Variants in PRPF39 observed in about 807,000 individuals in gnomAD.
PRPF39 encodes the protein pre-mRNA processing factor 39, also known as pre-mRNA-processing factor 39.
Under a neutral mutation model 82.1 loss-of-function variants are expected in PRPF39, and 27 were observed. The ratio of observed to expected loss-of-function variants is 0.33; its 90% CI spans 0.24 to 0.45. The LOEUF (loss-of-function observed/expected upper bound fraction) is 0.45, where lower values mean the gene tolerates loss of function less well. Among genes scored for constraint, PRPF39 ranks in the 20% least tolerant of loss-of-function variants. The pLI, the probability that PRPF39 is intolerant of heterozygous loss-of-function variation, is 1.00. For synonymous variants in PRPF39, 261 were observed against 256.4 expected (o/e 1.02, Z -0.17); for missense variants, 581 against 796.9 (o/e 0.73, Z 3.26).
rs146168614 is a variant in PRPF39, at chr14:45,108,357, T to C, written c.904-58T>C. ...TAATACTTAAATATAAGCAGTGATA[T>C]TGAAAATTTTCAGTATACAGTTTGT... On this transcript the variant is annotated intron_variant, in intron 6 of 13. Coordinates refer to ENST00000355765, the MANE Select transcript of PRPF39 (RefSeq NM_017922.4). 85 of 1,483,774 alleles carry C rather than the reference T, an allele frequency of 5.7e-5. No homozygotes were observed. The Admixed American group carries it at 1.1e-3, about 20-fold the overall frequency. 91.9% of individuals were successfully genotyped at this position (1,483,774 alleles called of 1,614,324 possible). A position where few individuals can be genotyped will look rare whatever the true frequency, so the allele number is the denominator to read the frequency against.
At position 45,112,184 on chromosome 14, in the gene PRPF39, A is replaced by G; in HGVS notation, c.1573-134A>G. On this transcript the variant is annotated intron_variant, in intron 10 of 13. Transcript: ENST00000355765. ...ACCCCTTTAGATATATGCTGAAAAC[A>G]TTTAGCATGAGTTGTATTTTAATAC... The G allele has an allele frequency of 3.7e-6, 3 of 819,602 alleles. No homozygotes were observed. The South Asian group carries it at 6.4e-5, about 17-fold the overall frequency. The allele number at this position is 819,602 out of a possible 1,614,324, so 50.8% of individuals were successfully genotyped here.
chr14:45,091,610 A>G (rs1884029354), intron 1 of PRPF39, among the ~76,000 whole-genome samples: 1 of 152,256 alleles, frequency 6.6e-6, no homozygotes, highest in Non-Finnish European at 1.5e-5. Context: ...GTTTACGAAG[A>G]GTGTATACAA....
intron 11 of PRPF39, among the ~76,000 whole-genome samples, chr14:45,112,943 C>G (rs1302928682): frequency 6.6e-6 from 1 of 152,136 alleles, no homozygotes; most frequent in Non-Finnish European, 1.5e-5. Flanking sequence ...GTGGCCTCAT[C>G]TTCCTTCATT....
chr14:45,109,588 T>C (rs1188073510), intron 7 of PRPF39, 28 bp from the exon 8 acceptor site: 1 of 1,574,772 alleles, frequency 6.4e-7, no homozygotes, highest in Non-Finnish European at 8.6e-7. Flanking sequence ...TGGTTTACTT[T>C]CATTGGCATG....
At chr14:45,103,186 G>C (rs1884426631) in intron 5 of PRPF39, among the ~76,000 whole-genome samples, 1 of 151,988 alleles carries the variant, frequency 6.6e-6, no homozygotes. Context: ...AAACACTCAG[G>C]TATCATTCCA....
rs1463732115 is a variant in PRPF39 at position 45,096,887 on chromosome 14, G to A, written c.451G>A (p.Val151Ile). ...GTACAGTTTGCTGTTTTCTTCTTAG[G>A]TTTATCGGCGGGGGCTTCAGGCAAT... ...RHDNIKPSDE[V>I]YRRGLQAIPL... The change falls in exon 4 of 14, where the codon GTT becomes ATT. Residue 151 changes from valine to isoleucine, a missense_variant and splice_region_variant. Transcript: ENST00000355765. The A allele has an allele frequency of 6.5e-7, 1 of 1,545,062 alleles. No homozygotes were observed. Among genetic ancestry groups the A allele is most frequent in the Non-Finnish European group, 8.7e-7 (1 of 1,146,052 alleles).
Position 45,112,439 on chromosome 14 carries a change from TGA to T in PRPF39, c.1697_1698del (p.Arg566AsnfsTer12). Reference sequence around the variant, plus strand: ...GTACATGGTTCATTACCTATTAAAATGAGAATTACATTTTCTCAGAGAAAAGT... The same window carrying T: ...GTACATGGTTCATTACCTATTAAAATGAATTACATTTTCTCAGAGAAAAGT... On this transcript the variant is annotated frameshift_variant, in exon 11 of 14. Coordinates refer to ENST00000355765, the MANE Select transcript of PRPF39 (RefSeq NM_017922.4). LOFTEE classifies it high-confidence loss of function. The T allele has an allele frequency of 6.5e-7, 1 of 1,547,542 alleles. No individual in the cohort carries two copies. The highest frequency in any genetic ancestry group is 8.6e-7 in the Non-Finnish European group (1 of 1,156,300).
chr14:45,086,900 A>G (rs1031392664), intron 1 of PRPF39, among the ~76,000 whole-genome samples: 1 of 144,716 alleles, frequency 6.9e-6, no homozygotes, highest in African/African-American at 2.6e-5. Flanking sequence ...GTACATGGAC[A>G]TCACTAACTC....
chr14:45,105,077 CTTAA>C (rs1460545285), intron 5 of PRPF39, among the ~76,000 whole-genome samples: 1 of 152,150 alleles, frequency 6.6e-6, no homozygotes. Flanking sequence ...GTTTCTGAGG[CTTAA>C]TTCTTTGTAT....
chr14:45,101,838 G>A (rs1375554227), intron 4 of PRPF39, among the ~76,000 whole-genome samples: 18 of 150,340 alleles, frequency 1.2e-4, no homozygotes, highest in Non-Finnish European at 1.2e-4. Context: ...ACAGAGTCGC[G>A]CTCTGTCGCC....
chr14:45,089,532 G>A lies in PRPF39; in HGVS notation c.-20+5283G>A, dbSNP rs112659320. Among the ~76,000 whole-genome samples, 784 of 152,216 alleles carry A rather than the reference G, an allele frequency of 5.2e-3. 10 individuals carry two copies. The highest frequency in any genetic ancestry group is 0.018 in the African/African-American group (737 of 41,538). ...CACCCAGGCTGGAGTGCAGTGGCAC[G>A]ATCACGACTCACTGCAGCCTTGACT... On this transcript the variant is annotated intron_variant, in intron 1 of 13. Transcript: ENST00000355765.
chr14:45,086,846 GTTT>G (rs57666854), intron 1 of PRPF39, among the ~76,000 whole-genome samples: 8 of 118,450 alleles, frequency 6.8e-5, no homozygotes, highest in Non-Finnish European at 8.9e-5. Context: ...GTGTTTCTCA[GTTT>G]TTTTTTTTTT....
At position 45,115,584 on chromosome 14, in the gene PRPF39, G is replaced by A. The variant is rs1343832299; in HGVS notation, c.*671G>A. On this transcript the variant is annotated 3_prime_UTR_variant, in exon 14 of 14. Coordinates refer to ENST00000355765, the MANE Select transcript of PRPF39 (RefSeq NM_017922.4). ...CTGATCTTCATTTTTGTAATAAAAC[G>A]GAAGACTCATCCAGTAATTGTTTAT... 3.3e-5 allele frequency: 5 copies of A among 152,500 alleles called. No individual in the cohort carries two copies. Among genetic ancestry groups the A allele is most frequent in the South Asian group, 4.2e-4 (2 of 4,800 alleles). The allele number at this position is 152,500 out of a possible 1,614,324, so 9.4% of individuals were successfully genotyped here. A position where few individuals can be genotyped will look rare whatever the true frequency, so the allele number is the denominator to read the frequency against.
Position 45,107,546 on chromosome 14 carries a change from A to G in PRPF39, c.833A>G (p.His278Arg), listed in dbSNP as rs1446636782. Residue 278 changes from histidine (H) to arginine (R), a missense_variant, in exon 6 of 14, where the codon CAT becomes CGT. By Grantham distance (29) the His-to-Arg change is conservative (BLOSUM62 0). Transcript: ENST00000355765. ...LRRELASVNGHSGDDGPPGDD... is the reference protein window; with the variant it reads ...LRRELASVNGRSGDDGPPGDD... ...AGGGAATTAGCTTCTGTAAATGGTCATAGTGGTGATGATGGTCCTCCTGGT... is the reference window on the plus strand; with the variant it reads ...AGGGAATTAGCTTCTGTAAATGGTCGTAGTGGTGATGATGGTCCTCCTGGT... The G allele has an allele frequency of 1.3e-6, 2 of 1,555,410 alleles. No individual in the cohort carries two copies. The highest frequency in any genetic ancestry group is 1.7e-6 in the Non-Finnish European group (2 of 1,148,352).
chr14:45,106,940 CAT>C (rs968885472), intron 5 of PRPF39, among the ~76,000 whole-genome samples: 3 of 151,952 alleles, frequency 2.0e-5, no homozygotes, highest in Admixed American at 6.6e-5. Context: ...TGCGTACTCA[CAT>C]GTGGATGAGG....
At chr14:45,099,774 TTC>T (rs1884317332) in intron 4 of PRPF39, among the ~76,000 whole-genome samples, 1 of 152,186 alleles carries the variant, frequency 6.6e-6, no homozygotes, top group Admixed American at 6.5e-5. Context: ...ATCTTTCTTG[TTC>T]TCTGAGTGTT....
At chr14:45,093,324 G>A (rs1204283488) in intron 1 of PRPF39, among the ~76,000 whole-genome samples, 1 of 151,324 alleles carries the variant, frequency 6.6e-6, no homozygotes, top group East Asian at 1.9e-4. Flanking sequence ...CCGGGTTCAA[G>A]TGATACTCCT....
rs186221108 is a variant in PRPF39, at chr14:45,097,875, A to G, written c.569+870A>G. ...AGCTAATGTTAAACTGCTTGTAACA[A>G]AAAGTACCACCTCCACCTCCCTTCA... On this transcript the variant is annotated intron_variant, in intron 4 of 13. Transcript: ENST00000355765. Among the ~76,000 whole-genome samples the G allele has an allele frequency of 5.3e-3, 808 of 152,326 alleles. 5 individuals are homozygous for G. Among genetic ancestry groups the G allele is most frequent in the African/African-American group, 0.017 (715 of 41,566 alleles).
In PRPF39 at chr14:45,116,167, C is replaced by CA; in HGVS notation, c.*1254_*1255insA. 1 of 1,521,484 alleles carries CA rather than the reference C, an allele frequency of 6.6e-7. No individual in the cohort carries two copies. The highest frequency in any genetic ancestry group is 9.1e-7 in the Non-Finnish European group (1 of 1,097,908). 94.2% of individuals were successfully genotyped at this position (1,521,484 alleles called of 1,614,324 possible). A position where few individuals can be genotyped will look rare whatever the true frequency, so the allele number is the denominator to read the frequency against. ...TCAAGGCCAAGTTTTATCATTGTTG[C>CA]TAATATCCTTAGAGCTGAAGCACTG... On this transcript the variant is annotated 3_prime_UTR_variant, in exon 14 of 14. Transcript: ENST00000355765.
Sources: allele counts gnomAD v4.1 joint callset (sites outside exome capture counted in the v4.1 genomes callset), GRCh38; gene constraint gnomAD v4.1.1; transcripts MANE v1.5; gene names NCBI Gene and HGNC (gene_info 2026-07-23, HGNC 2026-07-21).